The following PYROXD1 variants were observed in gnomAD, a reference collection of about 807,000 sequenced individuals.
The protein encoded by PYROXD1 is pyridine nucleotide-disulphide oxidoreductase domain 1, also known as tRNA ligase complex-associated NAD(P)H dehydrogenase PYROXD1.
PYROXD1 carries 42 observed loss-of-function variants against 62.0 expected under a neutral mutation model. The ratio of observed to expected loss-of-function variants is 0.68; its 90% CI spans 0.53 to 0.88. PYROXD1 has a LOEUF of 0.88. Ranked by LOEUF, PYROXD1 falls within the 40% of genes least tolerant of loss-of-function variation. PYROXD1 has a pLI of 0.00. For missense variants in PYROXD1, 493 were observed against 604.8 expected, an observed-to-expected ratio of 0.82 and a Z score of 1.94; for synonymous variants, 170 against 206.4, an observed-to-expected ratio of 0.82 and a Z score of 1.51.
In PYROXD1 at chr12:21,462,758, G is replaced by T; in HGVS notation, c.1012G>T (p.Gly338Cys). Residue 338 changes from glycine to cysteine, a missense_variant, in exon 10 of 12, where the codon GGT becomes TGT. Gly to Cys is a radical substitution (Grantham distance 159). This residue lies in a region of PYROXD1 where 329 missense variants were observed against 446.6 expected (regional missense o/e 0.74). Transcript: ENST00000240651. Reference protein sequence around the residue: ...HGNSFDLGEDGGLKVDDHMHT... With the variant: ...HGNSFDLGEDCGLKVDDHMHT... ...TGTTTAGTTTGATCTAGGAGAAGAT[G>T]GTGGCCTGAAAGTGGATGATCATAT... The T allele has an allele frequency of 6.2e-7, 1 of 1,613,806 alleles. No homozygotes were observed. Among genetic ancestry groups the T allele is most frequent in the South Asian group, 1.1e-5 (1 of 91,072 alleles).
chr12:21,460,379 G>A (rs61926296), intron 7 of PYROXD1, among the ~76,000 whole-genome samples: 74,016 of 150,556 alleles, frequency 0.49, 18,243 homozygotes, highest in Middle Eastern at 0.58. Flanking sequence ...GTCCATAACT[G>A]TTGTCATTTT....
intron 7 of PYROXD1, among the ~76,000 whole-genome samples, chr12:21,456,713 A>T (rs372865767): frequency 5.1e-4 from 77 of 151,638 alleles, no homozygotes; most frequent in African/African-American, 1.7e-3. Context: ...CCATCAATTG[A>T]CTCTTCCTCT....
chr12:21,470,492 T>A lies in PYROXD1; in HGVS notation c.*1738T>A, dbSNP rs1329554041. ...GGGGTCTAGTTTTTTATCTACAAAT[T>A]TCTATTCAAATATGAGCTCTATTTT... On this transcript the variant is annotated 3_prime_UTR_variant, in exon 12 of 12. Transcript: ENST00000240651. 14 of 1,037,590 alleles carry A rather than the reference T, an allele frequency of 1.3e-5. No individual in the cohort carries two copies. The highest frequency in any genetic ancestry group is 1.6e-5 in the African/African-American group (1 of 61,106). 64.3% of individuals were successfully genotyped at this position (1,037,590 alleles called of 1,614,324 possible).
At chr12:21,461,792 A>G (rs945490123) in intron 8 of PYROXD1, among the ~76,000 whole-genome samples, 2 of 152,228 alleles carry the variant, frequency 1.3e-5, no homozygotes, top group African/African-American at 4.8e-5. Flanking sequence ...TTAAAATGCC[A>G]TGGTTTTAAA....
At chr12:21,448,247 G>A (rs1388060379) in intron 3 of PYROXD1, 2 of 429,870 alleles carry the variant, frequency 4.7e-6, no homozygotes, top group Non-Finnish European at 9.0e-6. Flanking sequence ...ATGCTACTGT[G>A]CTTCCCCAGG....
intron 10 of PYROXD1, among the ~76,000 whole-genome samples, chr12:21,464,113 A>G (rs1311727125): frequency 6.7e-6 from 1 of 149,958 alleles, no homozygotes; most frequent in Non-Finnish European, 1.5e-5. Context: ...GACTATCACA[A>G]ATTCTTAGAG....
At chr12:21,467,407 A>T in intron 10 of PYROXD1, 74 bp from the exon 11 acceptor site, 3 of 1,414,784 alleles carry the variant, frequency 2.1e-6, no homozygotes, top group Non-Finnish European at 2.9e-6. Context: ...CCTTTAAGTG[A>T]ATTTACAAGG....
Position 21,461,155 on chromosome 12 carries a change from G to T in PYROXD1, c.880+1G>T. 1 of 1,499,124 alleles carries T rather than the reference G, an allele frequency of 6.7e-7. No homozygotes were observed. The highest frequency in any genetic ancestry group is 8.9e-7 in the Non-Finnish European group (1 of 1,125,196). The allele number at this position is 1,499,124 out of a possible 1,614,324, so 92.9% of individuals were successfully genotyped here. ...CATAAGTCAGTTACAGCTGATACAG[G>T]CAAGTAATGAAATAAGAAAAAATAT... On this transcript the variant is annotated splice_donor_variant, in intron 8 of 11. Coordinates refer to ENST00000240651, the MANE Select transcript of PYROXD1 (RefSeq NM_024854.5). LOFTEE classifies it high-confidence loss of function.
intron 7 of PYROXD1, among the ~76,000 whole-genome samples, chr12:21,457,863 A>T (rs538532594): frequency 6.6e-6 from 1 of 152,224 alleles, no homozygotes; most frequent in Admixed American, 6.5e-5. Flanking sequence ...TTACAATTTG[A>T]TATGAGATTT....
In PYROXD1 at chr12:21,449,677, A is replaced by G. The variant is rs1942456478; in HGVS notation, c.400A>G (p.Thr134Ala). ...GNPYVLGIRD[T>A]DSAQEFQKQL... ...TCCTTATGTATTAGGAATCCGTGAT[A>G]CAGACAGTGCTCAGGTAACATTTTA... Residue 134 changes from threonine (T) to alanine (A), a missense_variant, in exon 4 of 12, where the codon ACA becomes GCA. Thr to Ala is a moderately conservative substitution (Grantham distance 58). Coordinates refer to ENST00000240651, the MANE Select transcript of PYROXD1 (RefSeq NM_024854.5). 2 of 1,612,044 alleles carry G rather than the reference A, an allele frequency of 1.2e-6. No individual in the cohort carries two copies. Among genetic ancestry groups the G allele is most frequent in the African/African-American group, 2.7e-5 (2 of 74,820 alleles).
At chr12:21,465,420 GTGA>G (rs1293174653) in intron 10 of PYROXD1, among the ~76,000 whole-genome samples, 1 of 152,156 alleles carries the variant, frequency 6.6e-6, no homozygotes, top group Non-Finnish European at 1.5e-5. Context: ...CTGATGGCCA[GTGA>G]TGATGAGCAT....
intron 2 of PYROXD1, among the ~76,000 whole-genome samples, chr12:21,442,956 T>G (rs1270508549): frequency 6.6e-6 from 1 of 152,208 alleles, no homozygotes; most frequent in Non-Finnish European, 1.5e-5. Flanking sequence ...TGCTGCAGAT[T>G]GTTTAATGGG....
Position 21,461,014 on chromosome 12 carries a change from C to A in PYROXD1, c.751-11C>A, listed in dbSNP as rs763004230. ...TAAGTATTATGCTAACCAGTATTTTCTTAATTTTAGTTTTCTCATAAGATT... is the reference window on the plus strand; with the variant it reads ...TAAGTATTATGCTAACCAGTATTTTATTAATTTTAGTTTTCTCATAAGATT... On this transcript the variant is annotated splice_polypyrimidine_tract_variant and intron_variant, in intron 7 of 11. Coordinates refer to ENST00000240651, the MANE Select transcript of PYROXD1 (RefSeq NM_024854.5). 3 of 1,482,466 alleles carry A rather than the reference C, an allele frequency of 2.0e-6. No individual in the cohort carries two copies. Among genetic ancestry groups the A allele is most frequent in the Non-Finnish European group, 2.7e-6 (3 of 1,100,634 alleles). The allele number at this position is 1,482,466 out of a possible 1,614,324, so 91.8% of individuals were successfully genotyped here.
chr12:21,445,501 T>A, intron 3 of PYROXD1, 35 bp downstream of exon 3: 1 of 1,535,840 alleles, frequency 6.5e-7, no homozygotes, highest in Non-Finnish European at 8.7e-7. Context: ...CATTTTCCAT[T>A]GTTGAATCTT....
At chr12:21,456,867 A>T (rs754815346) in intron 7 of PYROXD1, 1 of 455,424 alleles carries the variant, frequency 2.2e-6, no homozygotes, top group Non-Finnish European at 4.4e-6. Context: ...CATTTCAGCA[A>T]TACTCACAGC....
Position 21,449,553 on chromosome 12 carries a change from G to C in PYROXD1, c.286-10G>C. The C allele has an allele frequency of 1.2e-6, 2 of 1,603,730 alleles. No individual in the cohort carries two copies. The highest frequency in any genetic ancestry group is 1.1e-5 in the South Asian group (1 of 88,640). The stretch of plus-strand genomic sequence containing the variant: ...TCTCCCTTTTCTTTCATTGTTTGAT[G>C]TATTTACAGTGCATTGTAACAGAAG... On this transcript the variant is annotated splice_polypyrimidine_tract_variant and intron_variant, in intron 3 of 11. Coordinates refer to ENST00000240651, the MANE Select transcript of PYROXD1 (RefSeq NM_024854.5).
At position 21,469,718 on chromosome 12, in the gene PYROXD1, T is replaced by C. The variant is rs975804391; in HGVS notation, c.*964T>C. ...TTTTAAGCTCATCAGCTATCATCAG[T>C]GTTAGCATATTTTATGTGCGGCCCA... On this transcript the variant is annotated 3_prime_UTR_variant, in exon 12 of 12. Coordinates refer to ENST00000240651, the MANE Select transcript of PYROXD1 (RefSeq NM_024854.5). 6.6e-6 allele frequency: 1 copy of C among 151,360 alleles called. No homozygotes were observed. The highest frequency in any genetic ancestry group is 2.4e-5 in the African/African-American group (1 of 41,006). The allele number at this position is 151,360 out of a possible 1,614,324, so 9.4% of individuals were successfully genotyped here.
Position 21,468,549 on chromosome 12 carries a change from A to G in PYROXD1, c.1298A>G (p.Asp433Gly), listed in dbSNP as rs774010059. The G allele has an allele frequency of 6.2e-7, 1 of 1,612,836 alleles. No individual in the cohort carries two copies. The highest frequency in any genetic ancestry group is 8.5e-7 in the Non-Finnish European group (1 of 1,179,130). The change falls in exon 12 of 12, where the codon GAT (aspartate) becomes GGT (glycine). Residue 433 changes from aspartate to glycine, a missense_variant. Transcript: ENST00000240651. ...TACAATGCACAGGGCTTAGGTTCAGATCATGAATTAATGCTGAGATGTACC... is the reference window on the plus strand; with the variant it reads ...TACAATGCACAGGGCTTAGGTTCAGGTCATGAATTAATGCTGAGATGTACC... ...GKYNAQGLGS[D>G]HELMLRCTKG... is the part of the protein sequence containing the mutation.
At chr12:21,438,684 A>T (rs1416305928) in intron 1 of PYROXD1, 1 of 152,240 alleles carries the variant, frequency 6.6e-6, no homozygotes, top group African/African-American at 2.4e-5. Context: ...ATTCAGATAC[A>T]TGTGTGTATT....
Sources: allele counts gnomAD v4.1 joint callset (sites outside exome capture counted in the v4.1 genomes callset), GRCh38; gene constraint gnomAD v4.1.1; regional missense constraint gnomAD v4.1.1; transcripts MANE v1.5; gene names NCBI Gene and HGNC (gene_info 2026-07-23, HGNC 2026-07-21).